The following LIFR variants were observed in gnomAD, a reference collection of about 807,000 sequenced individuals.
The protein encoded by LIFR is leukemia inhibitory factor receptor.
Under a neutral mutation model 122.2 loss-of-function variants are expected in LIFR, and 84 were observed. The observed-to-expected ratio is 0.69, with a 90% CI of 0.58 to 0.82. The LOEUF is 0.82. Ranked by LOEUF, LIFR falls within the 40% of genes least tolerant of loss-of-function variation. The probability of loss-of-function intolerance (pLI) is 0.00; values close to 1 mark genes in which losing one functional copy is unlikely to be tolerated. For synonymous variants in LIFR, 422 were observed against 434.7 expected, an observed-to-expected ratio of 0.97 and a Z score of 0.36; for missense variants, 1,294 against 1,311.6, an observed-to-expected ratio of 0.99 and a Z score of 0.21.
At chr5:38,540,274 T>C (rs1336762080) in intron 1 of LIFR, among the ~76,000 whole-genome samples, 1 of 152,226 alleles carries the variant, frequency 6.6e-6, no homozygotes, top group African/African-American at 2.4e-5. Flanking sequence ...TCAGAAAACC[T>C]TGTTTGTCAC....
chr5:38,543,852 T>C (rs560306957), intron 1 of LIFR, among the ~76,000 whole-genome samples: 1 of 152,278 alleles, frequency 6.6e-6, no homozygotes, highest in Admixed American at 6.5e-5. Flanking sequence ...CTACCTGACT[T>C]TTCTCCAGAT....
intron 15 of LIFR, 131 bp from the exon 16 acceptor site, chr5:38,489,376 C>T: frequency 1.3e-6 from 1 of 792,066 alleles, no homozygotes; most frequent in Non-Finnish European, 2.1e-6. Context: ...CATAAACTTT[C>T]AGAGAGAGAT....
intron 5 of LIFR, among the ~76,000 whole-genome samples, chr5:38,521,044 T>C (rs1405750842): frequency 6.6e-6 from 1 of 152,188 alleles, no homozygotes; most frequent in African/African-American, 2.4e-5. Context: ...TTTGGTCCTG[T>C]TAATGATATT....
intron 9 of LIFR, among the ~76,000 whole-genome samples, chr5:38,504,761 T>C (rs773013753): frequency 6.6e-6 from 1 of 152,102 alleles, no homozygotes; most frequent in South Asian, 2.1e-4. Flanking sequence ...TACATACAAA[T>C]ACTACCATGC....
chr5:38,481,618 A>G lies in LIFR; in HGVS notation c.3271T>C (p.Phe1091Leu), dbSNP rs1396538949. ...TGTTAATCGTTTGGTTTGTTCTGAAAAAAGTTTGTAAAGGACCACCCTCCT... is the reference window on the plus strand; with the variant it reads ...TGTTAATCGTTTGGTTTGTTCTGAAGAAAGTTTGTAAAGGACCACCCTCCT... Reference protein sequence around the residue: ...NGGGWSFTNFFQNKPND With the variant: ...NGGGWSFTNFLQNKPND The change falls in exon 20 of 20, where the codon TTT becomes CTT. Residue 1091 changes from phenylalanine (F) to leucine (L), a missense_variant. By Grantham distance (22) the Phe-to-Leu change is conservative. Coordinates refer to ENST00000453190, the MANE Select transcript of LIFR (RefSeq NM_001127671.2). The G allele has an allele frequency of 1.9e-6, 3 of 1,614,138 alleles. No homozygotes were observed. In the South Asian group the frequency reaches 3.3e-5, roughly 18 times the overall value.
intron 9 of LIFR, among the ~76,000 whole-genome samples, chr5:38,504,436 AAAAG>A (rs893391907): frequency 1.3e-5 from 2 of 151,686 alleles, no homozygotes; most frequent in Non-Finnish European, 1.5e-5. Context: ...AAGAAAAGAA[AAAAG>A]AAAGAAAGGT....
At position 38,477,994 on chromosome 5, in the gene LIFR, C is replaced by G. The variant is rs1743804152; in HGVS notation, c.*3601G>C. ...GATTATATACCTGAGCAATAGAAAA[C>G]TTCGAGATAACATTTTAAAAATATT... On this transcript the variant is annotated 3_prime_UTR_variant, in exon 20 of 20. Transcript: ENST00000453190. 1 of 210,910 alleles carries G rather than the reference C, an allele frequency of 4.7e-6. No homozygotes were observed. 13.1% of individuals were successfully genotyped at this position (210,910 alleles called of 1,614,324 possible). A position where few individuals can be genotyped will look rare whatever the true frequency, so the allele number is the denominator to read the frequency against.
intron 1 of LIFR, among the ~76,000 whole-genome samples, chr5:38,549,407 A>C (rs986468008): frequency 6.6e-6 from 1 of 152,184 alleles, no homozygotes; most frequent in Non-Finnish European, 1.5e-5. Context: ...TGTTAAAGAA[A>C]GGGTATTCTA....
chr5:38,504,835 G>C (rs546058085), intron 9 of LIFR, among the ~76,000 whole-genome samples: 2 of 152,248 alleles, frequency 1.3e-5, no homozygotes, highest in Non-Finnish European at 2.9e-5. Context: ...CGACAGGAAA[G>C]AACAACTGAT....
intron 1 of LIFR, among the ~76,000 whole-genome samples, chr5:38,567,890 C>G (rs1196832962): frequency 6.6e-6 from 1 of 152,138 alleles, no homozygotes; most frequent in Non-Finnish European, 1.5e-5. Context: ...AACTTAGGAA[C>G]TGCCATTCTA....
At chr5:38,546,900 T>C (rs1442569600) in intron 1 of LIFR, among the ~76,000 whole-genome samples, 2 of 152,206 alleles carry the variant, frequency 1.3e-5, no homozygotes, top group African/African-American at 2.4e-5. Flanking sequence ...TCATCTGTAA[T>C]TTTATTGAAG....
chr5:38,478,648 T>A lies in LIFR; in HGVS notation c.*2947A>T, dbSNP rs952330978. ...TTAAAATGGTCACTCATAAAAGAAA[T>A]GTAGTCATAATAAGCCCCATAATGA... On this transcript the variant is annotated 3_prime_UTR_variant, in exon 20 of 20. Transcript: ENST00000453190. 1.5e-5 allele frequency: 3 copies of A among 194,988 alleles called. No homozygotes were observed. The highest frequency in any genetic ancestry group is 7.0e-5 in the African/African-American group (3 of 43,150). 12.1% of individuals were successfully genotyped at this position (194,988 alleles called of 1,614,324 possible).
At position 38,506,465 on chromosome 5, in the gene LIFR, C is replaced by A. The variant is rs763318054; in HGVS notation, c.1121+38G>T. The A allele has an allele frequency of 4.3e-6, 7 of 1,612,656 alleles. No homozygotes were observed. The Admixed American group carries it at 8.3e-5, about 19-fold the overall frequency. ...TCATTTAACATGCACTTCCAACGTACTCCTTGCCATCTGACATCTTTTCCC... is the reference window on the plus strand; with the variant it reads ...TCATTTAACATGCACTTCCAACGTAATCCTTGCCATCTGACATCTTTTCCC... On this transcript the variant is annotated intron_variant, in intron 8 of 19. Transcript: ENST00000453190.
chr5:38,567,749 G>A (rs143581916), intron 1 of LIFR, among the ~76,000 whole-genome samples: 2 of 151,890 alleles, frequency 1.3e-5, no homozygotes, highest in East Asian at 1.9e-4. Flanking sequence ...GGCTGGTCTC[G>A]AACTCCTGAC....
intron 1 of LIFR, among the ~76,000 whole-genome samples, chr5:38,543,433 T>C (rs1266557874): frequency 6.6e-6 from 1 of 152,212 alleles, no homozygotes; most frequent in African/African-American, 2.4e-5. Context: ...GAGTCTGAAT[T>C]GTGAGCCATT....
At chr5:38,540,263 T>C (rs930479708) in intron 1 of LIFR, among the ~76,000 whole-genome samples, 1 of 152,184 alleles carries the variant, frequency 6.6e-6, no homozygotes, top group Non-Finnish European at 1.5e-5. Flanking sequence ...TTGTTTTGTT[T>C]TCAGAAAACC....
At chr5:38,537,333 C>A (rs553937948) in intron 1 of LIFR, among the ~76,000 whole-genome samples, 2 of 152,278 alleles carry the variant, frequency 1.3e-5, no homozygotes, top group South Asian at 2.1e-4. Flanking sequence ...CAATGGAGTG[C>A]CCCCTGCAAT....
At position 38,502,657 on chromosome 5, in the gene LIFR, T is replaced by C; in HGVS notation, c.1580A>G (p.Gln527Arg). 6.2e-7 allele frequency: 1 copy of C among 1,613,368 alleles called. No individual in the cohort carries two copies. The highest frequency in any genetic ancestry group is 8.5e-7 in the Non-Finnish European group (1 of 1,179,462). ...WKWSKWSNKK[Q>R]HLTTEASPSK... ...CTTACTGGCTTCTGTTGTTAAATGTTGTTTTTTATTGCTCCATTTGCTCCA... is the reference window on the plus strand; with the variant it reads ...CTTACTGGCTTCTGTTGTTAAATGTCGTTTTTTATTGCTCCATTTGCTCCA... The change falls in exon 11 of 20, where the codon CAA (glutamine) becomes CGA (arginine). Residue 527 changes from glutamine to arginine, a missense_variant. Transcript: ENST00000453190.
At position 38,478,550 on chromosome 5, in the gene LIFR, T is replaced by G. The variant is rs1464922974; in HGVS notation, c.*3045A>C. The G allele has an allele frequency of 5.2e-6, 1 of 193,976 alleles. No homozygotes were observed. The highest frequency in any genetic ancestry group is 1.1e-5 in the Non-Finnish European group (1 of 92,846). The allele number at this position is 193,976 out of a possible 1,614,324, so 12.0% of individuals were successfully genotyped here. A position where few individuals can be genotyped will look rare whatever the true frequency, so the allele number is the denominator to read the frequency against. On this transcript the variant is annotated 3_prime_UTR_variant, in exon 20 of 20. Transcript: ENST00000453190. ...TGTGCTAATCTATGCAATATATGAT[T>G]CACAAGGTTCATCTAATGTTAAAAG...
Sources: gnomAD v4.1 joint callset for allele counts (sites outside exome capture counted in the v4.1 genomes callset) on GRCh38, gnomAD v4.1.1 for gene constraint, MANE v1.5 for transcripts, NCBI Gene and HGNC (gene_info 2026-07-23, HGNC 2026-07-21) for gene names.